Variants in ZGLP1 observed in about 807,000 individuals in gnomAD.
The protein encoded by ZGLP1 is zinc finger GATA like protein 1.
ZGLP1 carries 11 observed loss-of-function variants against 21.4 expected under a neutral mutation model. That is an observed-to-expected ratio of 0.51 (90% CI 0.32 to 0.85). The LOEUF (loss-of-function observed/expected upper bound fraction) is 0.85, where lower values mean the gene tolerates loss of function less well. Among genes scored for constraint, ZGLP1 ranks in the 40% least tolerant of loss-of-function variants. ZGLP1 has a pLI of 0.03. For synonymous variants in ZGLP1, 148 were observed against 145.0 expected (o/e 1.02, Z -0.15); for missense variants, 295 against 355.6 (o/e 0.83, Z 1.37).
exon 1 of ZGLP1, chr19:10,308,515 G>A: frequency 6.2e-7 from 1 of 1,608,608 alleles, no homozygotes; most frequent in African/African-American, 1.3e-5. Context: ...GAAGCACAGG[G>A]CGGTGACCGA....
intron 1 of ZGLP1, among the ~76,000 whole-genome samples, chr19:10,306,943 G>A (rs1217869006): frequency 2.0e-5 from 3 of 151,914 alleles, no homozygotes; most frequent in Non-Finnish European, 4.4e-5. Context: ...AGACCATCCC[G>A]GCCAACATGG....
In ZGLP1 at chr19:10,305,784, G is replaced by A. The variant is rs531410198; in HGVS notation, c.604+62C>T. 8.0e-5 allele frequency: 106 copies of A among 1,323,924 alleles called. No homozygotes were observed. In the African/African-American group the frequency reaches 1.4e-3, roughly 18 times the overall value. 82.0% of individuals were successfully genotyped at this position (1,323,924 alleles called of 1,614,324 possible). ...TGGAGAAGGGGGGGGCAGGGAGAAA[G>A]GCAGGGAAGACAGGAAATTGGCCCC... On this transcript the variant is annotated intron_variant, in intron 2 of 3. Transcript: ENST00000403903. This position sits in a 1 kb window ranked among gnomAD's most constrained non-coding sequence, Gnocchi z 4.7.
Position 10,305,043 on chromosome 19 carries a change from C to G in ZGLP1, c.*48G>C. 1.4e-6 allele frequency: 2 copies of G among 1,447,360 alleles called. No homozygotes were observed. The highest frequency in any genetic ancestry group is 1.9e-6 in the Non-Finnish European group (2 of 1,030,662). The allele number at this position is 1,447,360 out of a possible 1,614,324, so 89.7% of individuals were successfully genotyped here. A position where few individuals can be genotyped will look rare whatever the true frequency, so the allele number is the denominator to read the frequency against. The stretch of plus-strand genomic sequence containing the variant: ...AGAGCTGCTTCTGCCCATTCTCCCA[C>G]TGGTGAAACGGAGGCAGAAGCAGCA... On this transcript the variant is annotated 3_prime_UTR_variant, in exon 4 of 4. Transcript: ENST00000403903. The surrounding 1 kb of genome is among the most constrained non-coding windows in gnomAD (Gnocchi z 4.7).
chr19:10,308,988 C>T (rs1466328201), exon 1 of ZGLP1: 2 of 242,906 alleles, frequency 8.2e-6, no homozygotes, highest in African/African-American at 2.2e-5. Context: ...CTCGACCGAT[C>T]CTTCCGCCTC....
At chr19:10,306,475 C>T (rs1368549191) in intron 1 of ZGLP1, among the ~76,000 whole-genome samples, 1 of 152,024 alleles carries the variant, frequency 6.6e-6, no homozygotes, top group African/African-American at 2.4e-5. Flanking sequence ...GGTTCCAATC[C>T]CAGTTCTCCA....
chr19:10,309,120 C>T (rs2040297712), exon 1 of ZGLP1: 2 of 153,210 alleles, frequency 1.3e-5, no homozygotes, highest in Admixed American at 1.3e-4. Context: ...CCTGGATGAT[C>T]CCTGGGGAGT....
chr19:10,308,400 C>T (rs1185053830), exon 1 of ZGLP1: 2 of 1,608,598 alleles, frequency 1.2e-6, no homozygotes, highest in African/African-American at 1.3e-5. Context: ...CCCTGTCCAG[C>T]AGCAGGCGGC....
rs1334759826 is a variant in ZGLP1, at chr19:10,305,829, G to C, written c.604+17C>G. The C allele has an allele frequency of 1.3e-6, 2 of 1,543,612 alleles. No homozygotes were observed. The highest frequency in any genetic ancestry group is 3.9e-5 in the Admixed American group (2 of 51,002). Reference sequence around the variant, plus strand: ...GGCCCCCAAAATATTTATAGCTCTTGGGTTTTCAGGACTCACCCAGGGCCT... The same window carrying C: ...GGCCCCCAAAATATTTATAGCTCTTCGGTTTTCAGGACTCACCCAGGGCCT... On this transcript the variant is annotated intron_variant, in intron 2 of 3. Transcript: ENST00000403903. This position sits in a 1 kb window ranked among gnomAD's most constrained non-coding sequence, Gnocchi z 4.7.
At chr19:10,308,933 G>C (rs575803451) in exon 1 of ZGLP1, 1 of 327,832 alleles carries the variant, frequency 3.1e-6, no homozygotes, top group East Asian at 4.7e-5. Flanking sequence ...CCCGCCTGGA[G>C]TGCAGGGGCG....
At position 10,305,560 on chromosome 19, in the gene ZGLP1, T is replaced by G; in HGVS notation, c.605-77A>C. ...CGGGATGCCTGTGCGGAGTCGGGCA[T>G]TTTGTGGGGGTCTCAGTAAAGGCCC... On this transcript the variant is annotated intron_variant, in intron 2 of 3. Transcript: ENST00000403903. The surrounding 1 kb of genome is among the most constrained non-coding windows in gnomAD (Gnocchi z 4.7). The G allele has an allele frequency of 1.5e-6, 2 of 1,308,454 alleles. No individual in the cohort carries two copies. Among genetic ancestry groups the G allele is most frequent in the South Asian group, 2.5e-5 (2 of 78,944 alleles). The allele number at this position is 1,308,454 out of a possible 1,614,324, so 81.1% of individuals were successfully genotyped here.
At chr19:10,306,325 C>T (rs1042054050) in intron 1 of ZGLP1, among the ~76,000 whole-genome samples, 3 of 151,942 alleles carry the variant, frequency 2.0e-5, no homozygotes, top group Admixed American at 2.0e-4. Context: ...GTTGGCCAGG[C>T]TGGTCTCGAA....
intron 1 of ZGLP1, 107 bp downstream of exon 2, chr19:10,308,078 A>G (rs967273891): frequency 7.0e-7 from 1 of 1,436,466 alleles, no homozygotes; most frequent in Non-Finnish European, 9.2e-7. Context: ...TGTAACGTAG[A>G]GCACAGGTGA....
intron 1 of ZGLP1, among the ~76,000 whole-genome samples, chr19:10,307,858 T>C (rs939511526): frequency 1.2e-4 from 18 of 152,356 alleles, no homozygotes; most frequent in African/African-American, 4.3e-4. Context: ...AAATACTGCC[T>C]GTTAACCTCT....
In ZGLP1 at chr19:10,305,115, G is replaced by A. The variant is rs1424172799; in HGVS notation, c.792C>T (p.Ser264=). Reference sequence around the variant, plus strand: ...TTTAACCTTCCTGAATGGGGTCCAGGGACACTCCACATCTGCCACATAGCC... The same window carrying A: ...TTTAACCTTCCTGAATGGGGTCCAGAGACACTCCACATCTGCCACATAGCC... Residue 264 remains serine (S), a synonymous_variant, in exon 4 of 4, where the codon TCC becomes TCT. Transcript: ENST00000403903. The surrounding 1 kb of genome is among the most constrained non-coding windows in gnomAD (Gnocchi z 4.7). The A allele has an allele frequency of 1.2e-6, 2 of 1,613,866 alleles. No homozygotes were observed. The highest frequency in any genetic ancestry group is 1.7e-5 in the Admixed American group (1 of 60,012).
At chr19:10,306,104 T>A (rs1568304760) in intron 1 of ZGLP1, among the ~76,000 whole-genome samples, 152 bp from the exon 3 acceptor site, 1 of 150,432 alleles carries the variant, frequency 6.6e-6, no homozygotes, top group Non-Finnish European at 1.5e-5. Flanking sequence ...ATTAGTAATA[T>A]TATTATTATT....
rs868572068 is a variant in ZGLP1 at position 10,305,021 on chromosome 19, G to A, written c.*70C>T. ...CTCTTTCCCCAATCCTCCTAGGAGAGCTGCTTCTGCCCATTCTCCCACTGG... is the reference window on the plus strand; with the variant it reads ...CTCTTTCCCCAATCCTCCTAGGAGAACTGCTTCTGCCCATTCTCCCACTGG... On this transcript the variant is annotated 3_prime_UTR_variant, in exon 4 of 4. Transcript: ENST00000403903. This position sits in a 1 kb window ranked among gnomAD's most constrained non-coding sequence, Gnocchi z 4.7. The A allele has an allele frequency of 1.8e-5, 22 of 1,214,682 alleles. 1 individual carries two copies. Among genetic ancestry groups the A allele is most frequent in the Middle Eastern group, 2.0e-4 (1 of 5,114 alleles). The allele number at this position is 1,214,682 out of a possible 1,614,324, so 75.2% of individuals were successfully genotyped here.
At chr19:10,306,580 T>A (rs1270232654) in intron 1 of ZGLP1, among the ~76,000 whole-genome samples, 2 of 152,090 alleles carry the variant, frequency 1.3e-5, no homozygotes, top group African/African-American at 4.8e-5. Flanking sequence ...CAGTTTTTTT[T>A]TCTTTGAAAA....
chr19:10,307,225 T>TG (rs2040284533), intron 1 of ZGLP1, among the ~76,000 whole-genome samples: 2 of 151,924 alleles, frequency 1.3e-5, no homozygotes, highest in Admixed American at 1.3e-4. Flanking sequence ...AAATTAGAGC[T>TG]GGGGGTCATA....
At chr19:10,308,830 G>C (rs1035321216) in exon 1 of ZGLP1, 4 of 593,242 alleles carry the variant, frequency 6.7e-6, no homozygotes, top group Non-Finnish European at 1.0e-5. Context: ...CTAGGTGACC[G>C]AGGCAGGATA....
Sources: gnomAD v4.1 joint callset for allele counts (sites outside exome capture counted in the v4.1 genomes callset) on GRCh38, gnomAD v4.1.1 for gene constraint, Gnocchi (gnomAD v3.1) non-coding constraint, MANE v1.5 for transcripts, NCBI Gene and HGNC (gene_info 2026-07-23, HGNC 2026-07-21) for gene names.